NYAP1: variants seen among roughly 807,000 people sequenced by gnomAD.
The protein encoded by NYAP1 is neuronal tyrosine-phosphorylated phosphoinositide-3-kinase adapter 1.
Under a neutral mutation model 58.6 loss-of-function variants are expected in NYAP1, and 20 were observed. The ratio of observed to expected loss-of-function variants is 0.34; its 90% CI spans 0.24 to 0.50. The LOEUF is 0.50. Among genes scored for constraint, NYAP1 ranks in the 20% least tolerant of loss-of-function variants. The pLI is 0.98. For synonymous variants in NYAP1, 572 were observed against 523.1 expected (o/e 1.09, Z -1.27); for missense variants, 1,150 against 1,194.5 (o/e 0.96, Z 0.55).
chr7:100,491,253 A>G (rs1230814459), intron 6 of NYAP1, among the ~76,000 whole-genome samples, 158 bp downstream of exon 6: 2 of 152,110 alleles, frequency 1.3e-5, no homozygotes, highest in Admixed American at 1.3e-4. Flanking sequence ...TGAGGCCAGA[A>G]GTTCATTAGC....
In NYAP1 at chr7:100,494,266, A is replaced by G; in HGVS notation, c.*363A>G. 1 of 220,772 alleles carries G rather than the reference A, an allele frequency of 4.5e-6. No individual in the cohort carries two copies. The highest frequency in any genetic ancestry group is 9.2e-5 in the East Asian group (1 of 10,862). The allele number at this position is 220,772 out of a possible 1,614,324, so 13.7% of individuals were successfully genotyped here. The stretch of plus-strand genomic sequence containing the variant: ...AAGAGGGGGGTGGGTGAGCTGAAAG[A>G]GAGGGACTAGAGTGCCAGATGGAGG... On this transcript the variant is annotated 3_prime_UTR_variant, in exon 7 of 7. Transcript: ENST00000300179.
Position 100,489,022 on chromosome 7 carries a change from A to AGGCGGCGGG in NYAP1, c.1306_1314dup (p.Ala436_Ala438dup). On this transcript the variant is annotated inframe_insertion, in exon 4 of 7. Transcript: ENST00000300179. ...AACTCCCACAGCATGATCTGCCCTA[A>AGGCGGCGGG]GGCGGCGGGGGCGCCGGCAGCCCCC... The AGGCGGCGGG allele has an allele frequency of 6.4e-7, 1 of 1,558,030 alleles. No homozygotes were observed. Among genetic ancestry groups the AGGCGGCGGG allele is most frequent in the South Asian group, 1.2e-5 (1 of 86,456 alleles).
chr7:100,494,189 T>G lies in NYAP1; in HGVS notation c.*286T>G, dbSNP rs896514083. On this transcript the variant is annotated 3_prime_UTR_variant, in exon 7 of 7. Transcript: ENST00000300179. Reference sequence around the variant, plus strand: ...GCTGGGCGTTGTACACCCCTCCTCCTGAACCAAGCCAGAGGTCAGCATGGG... The same window carrying G: ...GCTGGGCGTTGTACACCCCTCCTCCGGAACCAAGCCAGAGGTCAGCATGGG... 9 of 372,788 alleles carry G rather than the reference T, an allele frequency of 2.4e-5. No individual in the cohort carries two copies. The highest frequency in any genetic ancestry group is 1.9e-4 in the African/African-American group (9 of 46,910). 23.1% of individuals were successfully genotyped at this position (372,788 alleles called of 1,614,324 possible).
rs1267532588 is a variant in NYAP1, at chr7:100,486,190, G to A, written c.69-631G>A. Among the ~76,000 whole-genome samples the A allele has an allele frequency of 2.0e-5, 3 of 151,838 alleles. No homozygotes were observed. Among genetic ancestry groups the A allele is most frequent in the Non-Finnish European group, 2.9e-5 (2 of 67,976 alleles). On this transcript the variant is annotated intron_variant, in intron 2 of 6. Transcript: ENST00000300179. The surrounding 1 kb of genome is among the most constrained non-coding windows in gnomAD (Gnocchi z 6.2). ...AGCTCTCCTCTCTTCCCTGCCAGCC[G>A]CCCCCCCAACCCTCTGCCACCCTCC...
intron 6 of NYAP1, among the ~76,000 whole-genome samples, chr7:100,491,298 TC>T (rs747485782): frequency 6.6e-6 from 1 of 151,908 alleles, no homozygotes; most frequent in Admixed American, 6.6e-5. Context: ...CTCTATTTTT[TC>T]TTTTTTTTAA....
chr7:100,488,863 A>T lies in NYAP1; in HGVS notation c.1142A>T (p.Glu381Val). The T allele has an allele frequency of 6.3e-7, 1 of 1,599,888 alleles. No homozygotes were observed. The highest frequency in any genetic ancestry group is 8.5e-7 in the Non-Finnish European group (1 of 1,174,942). The change falls in exon 4 of 7, where the codon GAG becomes GTG. Residue 381 changes from glutamate to valine, a missense_variant. Transcript: ENST00000300179. The surrounding 1 kb of genome is among the most constrained non-coding windows in gnomAD (Gnocchi z 5.9). ...PAPQVPARER[E>V]TPPPPPPPPA... The stretch of plus-strand genomic sequence containing the variant: ...CCCCAAGTGCCTGCACGGGAGCGGG[A>T]GACGCCTCCCCCACCGCCTCCACCT...
intron 1 of NYAP1, among the ~76,000 whole-genome samples, chr7:100,484,404 GGAA>G (rs1373528401): frequency 6.6e-6 from 1 of 152,088 alleles, no homozygotes; most frequent in South Asian, 2.1e-4. Context: ...AAATCCTGGA[GGAA>G]GAAGAAGGTG....
chr7:100,491,463 G>A (rs376399631), intron 6 of NYAP1, among the ~76,000 whole-genome samples: 2 of 152,034 alleles, frequency 1.3e-5, no homozygotes, highest in Non-Finnish European at 2.9e-5. Context: ...CAGGTGTGCC[G>A]TCGCAAGCCT....
rs911848504 is a variant in NYAP1 at position 100,489,525 on chromosome 7, A to G, written c.1804A>G (p.Ser602Gly). 6 of 1,613,362 alleles carry G rather than the reference A, an allele frequency of 3.7e-6. No individual in the cohort carries two copies. Among genetic ancestry groups the G allele is most frequent in the Non-Finnish European group, 5.1e-6 (6 of 1,180,010 alleles). Residue 602 changes from serine (S) to glycine (G), a missense_variant, in exon 4 of 7, where the codon AGC becomes GGC. Coordinates refer to ENST00000300179, the MANE Select transcript of NYAP1 (RefSeq NM_173564.4). ...EQGTDGGAFA[S>G]ISCAHVIASA... ...AGGGACCGATGGGGGTGCTTTTGCC[A>G]GCATCTCCTGTGCCCACGTCATCGC...
At position 100,486,994 on chromosome 7, in the gene NYAP1, G is replaced by A; in HGVS notation, c.242G>A (p.Arg81His). 1.2e-6 allele frequency: 2 copies of A among 1,608,442 alleles called. No individual in the cohort carries two copies. Among genetic ancestry groups the A allele is most frequent in the Non-Finnish European group, 1.7e-6 (2 of 1,177,966 alleles). The change falls in exon 3 of 7, where the codon CGC (arginine) becomes CAC (histidine). Residue 81 changes from arginine to histidine, a missense_variant. Arg to His is a conservative substitution (Grantham distance 29). Transcript: ENST00000300179. This position sits in a 1 kb window ranked among gnomAD's most constrained non-coding sequence, Gnocchi z 6.2. Reference protein sequence around the residue: ...PHPCRSAMAPRSLSCHSVGSM... With the variant: ...PHPCRSAMAPHSLSCHSVGSM... ...CCCTGCCGCAGCGCCATGGCCCCAC[G>A]CTCCCTCTCCTGCCACTCGGTGGGC...
rs1799717133 is a variant in NYAP1 at position 100,487,233 on chromosome 7, C to G, written c.430+51C>G. 6.9e-7 allele frequency: 1 copy of G among 1,456,150 alleles called. No homozygotes were observed. 90.2% of individuals were successfully genotyped at this position (1,456,150 alleles called of 1,614,324 possible). A position where few individuals can be genotyped will look rare whatever the true frequency, so the allele number is the denominator to read the frequency against. On this transcript the variant is annotated intron_variant, in intron 3 of 6. Coordinates refer to ENST00000300179, the MANE Select transcript of NYAP1 (RefSeq NM_173564.4). This position sits in a 1 kb window ranked among gnomAD's most constrained non-coding sequence, Gnocchi z 4.1. ...GGGTGGAGCTGGGAGCTGGGAGGAT[C>G]TATTCCACGCCCGGGGAGGCTTGCC...
In NYAP1 at chr7:100,486,601, T is replaced by C. The variant is rs893931399; in HGVS notation, c.69-220T>C. ...TCCCCTGCAGGCATACTCACCCCTC[T>C]TCTCATCCCTGCCCCCAACTGCCTT... is the stretch of plus-strand genomic sequence containing the variant. On this transcript the variant is annotated intron_variant, in intron 2 of 6. Coordinates refer to ENST00000300179, the MANE Select transcript of NYAP1 (RefSeq NM_173564.4). The surrounding 1 kb of genome is among the most constrained non-coding windows in gnomAD (Gnocchi z 6.2). Among the ~76,000 whole-genome samples the C allele has an allele frequency of 5.3e-5, 8 of 152,108 alleles. No homozygotes were observed. Among genetic ancestry groups the C allele is most frequent in the Admixed American group, 6.5e-5 (1 of 15,278 alleles).
In NYAP1 at chr7:100,490,821, T is replaced by G; in HGVS notation, c.2158+92T>G. ...ACCTGTCCTGACTTCCTCTCACCTG[T>G]TCACGTCTGTGCCCAGGGCCCTAAA... On this transcript the variant is annotated intron_variant, in intron 5 of 6. Coordinates refer to ENST00000300179, the MANE Select transcript of NYAP1 (RefSeq NM_173564.4). The surrounding 1 kb of genome is among the most constrained non-coding windows in gnomAD (Gnocchi z 4.6). 3 of 1,234,462 alleles carry G rather than the reference T, an allele frequency of 2.4e-6. No individual in the cohort carries two copies. Among genetic ancestry groups the G allele is most frequent in the Non-Finnish European group, 3.3e-6 (3 of 898,568 alleles). 76.5% of individuals were successfully genotyped at this position (1,234,462 alleles called of 1,614,324 possible).
Position 100,488,994 on chromosome 7 carries a change from C to A in NYAP1, c.1273C>A (p.Pro425Thr), listed in dbSNP as rs1257938845. The A allele has an allele frequency of 6.3e-7, 1 of 1,576,742 alleles. No individual in the cohort carries two copies. Among genetic ancestry groups the A allele is most frequent in the South Asian group, 1.1e-5 (1 of 87,960 alleles). The change falls in exon 4 of 7, where the codon CCC becomes ACC. Residue 425 changes from proline to threonine, a missense_variant. Transcript: ENST00000300179. The surrounding 1 kb of genome is among the most constrained non-coding windows in gnomAD (Gnocchi z 5.9). ...SGQPRGEREL[P>T]NSHSMICPKA... ...CCAGCCCCGGGGGGAGCGGGAGCTCCCCAACTCCCACAGCATGATCTGCCC... is the reference window on the plus strand; with the variant it reads ...CCAGCCCCGGGGGGAGCGGGAGCTCACCAACTCCCACAGCATGATCTGCCC...
At position 100,490,183 on chromosome 7, in the gene NYAP1, C is replaced by T. The variant is rs1453716344; in HGVS notation, c.1946-334C>T. ...ATTCTCCCCCTACAGGTCTTGATCC[C>T]AGGGGGATGGTCATTCTCGCCCTAT... On this transcript the variant is annotated intron_variant, in intron 4 of 6. Transcript: ENST00000300179. This position sits in a 1 kb window ranked among gnomAD's most constrained non-coding sequence, Gnocchi z 4.6. Among the ~76,000 whole-genome samples, 38 of 152,106 alleles carry T rather than the reference C, an allele frequency of 2.5e-4. No individual in the cohort carries two copies. The highest frequency in any genetic ancestry group is 2.3e-3 in the Admixed American group (35 of 15,272).
Position 100,490,585 on chromosome 7 carries a change from A to G in NYAP1, c.2014A>G (p.Arg672Gly). 2 of 1,583,192 alleles carry G rather than the reference A, an allele frequency of 1.3e-6. No homozygotes were observed. The highest frequency in any genetic ancestry group is 2.3e-5 in the South Asian group (2 of 86,448). The change falls in exon 5 of 7, where the codon AGG becomes GGG. Residue 672 changes from arginine to glycine, a missense_variant. Arg to Gly is a moderately radical substitution (Grantham distance 125). Coordinates refer to ENST00000300179, the MANE Select transcript of NYAP1 (RefSeq NM_173564.4). This position sits in a 1 kb window ranked among gnomAD's most constrained non-coding sequence, Gnocchi z 4.6. ...EGPGKVERED[R>G]GPGTSGIPVR... The stretch of plus-strand genomic sequence containing the variant: ...TCCAGGCAAGGTGGAGCGTGAGGAC[A>G]GGGGCCCTGGGACATCGGGGATCCC...
Position 100,491,016 on chromosome 7 carries a change from C to G in NYAP1, c.2189C>G (p.Ser730Cys). The G allele has an allele frequency of 6.4e-7, 1 of 1,556,100 alleles. No homozygotes were observed. Reference protein sequence around the residue: ...DFTGGYRLGRSASTSGVRQVV... With the variant: ...DFTGGYRLGRCASTSGVRQVV... ...ACGGGAGGCTACCGCCTGGGGCGCT[C>G]CGCCTCCACCTCCGGAGTCCGGCAG... The change falls in exon 6 of 7, where the codon TCC (serine) becomes TGC (cysteine). Residue 730 changes from serine (S) to cysteine (C), a missense_variant. Physicochemically the swap from Ser to Cys is moderately radical, Grantham distance 112. Coordinates refer to ENST00000300179, the MANE Select transcript of NYAP1 (RefSeq NM_173564.4).
Position 100,487,322 on chromosome 7 carries a change from G to A in NYAP1, c.430+140G>A. 2.1e-6 allele frequency: 2 copies of A among 944,006 alleles called. No homozygotes were observed. Among genetic ancestry groups the A allele is most frequent in the South Asian group, 2.6e-5 (1 of 39,126 alleles). 58.5% of individuals were successfully genotyped at this position (944,006 alleles called of 1,614,324 possible). A position where few individuals can be genotyped will look rare whatever the true frequency, so the allele number is the denominator to read the frequency against. The stretch of plus-strand genomic sequence containing the variant: ...ATTCCATTCTCAAAAGGAATTGGGG[G>A]GGTCCTTTTGGATGGGCCTGAGATG... On this transcript the variant is annotated intron_variant, in intron 3 of 6. Transcript: ENST00000300179. The surrounding 1 kb of genome is among the most constrained non-coding windows in gnomAD (Gnocchi z 4.1).
intron 6 of NYAP1, 78 bp downstream of exon 6, chr7:100,491,173 G>C: frequency 1.0e-6 from 1 of 990,966 alleles, no homozygotes; most frequent in South Asian, 1.5e-5. Flanking sequence ...CAATAAAGGG[G>C]CCAGGGCTGG....
Sources: gnomAD v4.1 joint callset for allele counts (sites outside exome capture counted in the v4.1 genomes callset) on GRCh38, gnomAD v4.1.1 for gene constraint, Gnocchi (gnomAD v3.1) non-coding constraint, MANE v1.5 for transcripts, NCBI Gene and HGNC (gene_info 2026-07-23, HGNC 2026-07-21) for gene names.